PKHD1: variants seen among roughly 807,000 people sequenced by gnomAD.
The protein encoded by PKHD1 is PKHD1 ciliary IPT domain containing fibrocystin/polyductin.
A neutral mutation model predicts 412.0 loss-of-function variants in PKHD1; 291 were observed. The ratio of observed to expected loss-of-function variants is 0.71; its 90% CI spans 0.64 to 0.78. The LOEUF is 0.78. Among genes scored for constraint, PKHD1 ranks in the 30% least tolerant of loss-of-function variants. PKHD1 has a pLI of 0.00. For missense variants in PKHD1, 4,825 were observed against 4,950.7 expected (o/e 0.97, Z 0.76); for synonymous variants, 1,777 against 1,821.5 (o/e 0.98, Z 0.62).
intron 35 of PKHD1, among the ~76,000 whole-genome samples, chr6:51,979,622 C>T (rs1275323841): frequency 6.6e-6 from 1 of 152,070 alleles, no homozygotes; most frequent in Non-Finnish European, 1.5e-5. Context: ...CTCCCACACA[C>T]ACTTAGAATA....
In PKHD1 at chr6:52,045,069, G is replaced by C. The variant is rs779156712; in HGVS notation, c.2612C>G (p.Thr871Ser). Residue 871 changes from threonine to serine, a missense_variant, in exon 25 of 67, where the codon ACT becomes AGT. Transcript: ENST00000371117. ...NFIRVSDENL[T>S]GVNPAAATRV... ...CGTGGCTGCAGCAGGATTCACTCCA[G>C]TAAGGTTTTCATCAGAGACCTGAGA... 9 of 1,613,310 alleles carry C rather than the reference G, an allele frequency of 5.6e-6. No homozygotes were observed. The highest frequency in any genetic ancestry group is 7.6e-6 in the Non-Finnish European group (9 of 1,179,424).
chr6:51,664,826 T>C (rs1773457185), intron 60 of PKHD1, among the ~76,000 whole-genome samples: 1 of 152,184 alleles, frequency 6.6e-6, no homozygotes, highest in African/African-American at 2.4e-5. Flanking sequence ...CCTCTGTGTA[T>C]GAATACCTTG....
intron 40 of PKHD1, among the ~76,000 whole-genome samples, chr6:51,906,590 T>C (rs537960715): frequency 2.0e-4 from 30 of 151,496 alleles, no homozygotes; most frequent in Admixed American, 1.5e-3. Context: ...AGACAAAGTA[T>C]GTCTAAACAA....
At chr6:51,851,277 T>C (rs1772187923) in intron 49 of PKHD1, among the ~76,000 whole-genome samples, 1 of 152,230 alleles carries the variant, frequency 6.6e-6, no homozygotes, top group Non-Finnish European at 1.5e-5. Context: ...AGTTTTTTGA[T>C]GTGTTGCTGG....
chr6:51,941,618 C>A (rs1788584009), intron 36 of PKHD1, among the ~76,000 whole-genome samples: 1 of 151,582 alleles, frequency 6.6e-6, no homozygotes, highest in South Asian at 2.1e-4. Context: ...TGTCCTAAAA[C>A]CAGACAAGGC....
At chr6:51,913,578 T>C (rs1480897836) in intron 37 of PKHD1, among the ~76,000 whole-genome samples, 1 of 152,142 alleles carries the variant, frequency 6.6e-6, no homozygotes, top group Non-Finnish European at 1.5e-5. Context: ...ATTTCCTTCC[T>C]CTTTTGCAAT....
At chr6:51,711,942 T>A (rs1020480699) in intron 60 of PKHD1, among the ~76,000 whole-genome samples, 1 of 152,196 alleles carries the variant, frequency 6.6e-6, no homozygotes, top group Non-Finnish European at 1.5e-5. Context: ...TTGGAAGTAA[T>A]GCCTGGAACT....
At chr6:51,958,790 A>G (rs1296042980) in intron 36 of PKHD1, among the ~76,000 whole-genome samples, 1 of 150,666 alleles carries the variant, frequency 6.6e-6, no homozygotes, top group Non-Finnish European at 1.5e-5. Flanking sequence ...GACTGTCTAT[A>G]GTGGCATTCC....
chr6:51,666,647 A>C (rs1399676319), intron 60 of PKHD1, among the ~76,000 whole-genome samples: 2 of 148,594 alleles, frequency 1.3e-5, no homozygotes, highest in Admixed American at 6.7e-5. Context: ...GCACCCACTA[A>C]CTCGTCATCT....
At chr6:51,741,313 C>T (rs748299164) in intron 60 of PKHD1, among the ~76,000 whole-genome samples, 1 of 152,166 alleles carries the variant, frequency 6.6e-6, no homozygotes, top group Non-Finnish European at 1.5e-5. Context: ...CTTCATACAC[C>T]AAAGGCTGCT....
intron 52 of PKHD1, among the ~76,000 whole-genome samples, chr6:51,803,180 T>C (rs1329337927): frequency 6.6e-6 from 1 of 151,488 alleles, no homozygotes; most frequent in Admixed American, 6.6e-5. Flanking sequence ...ATAACTTCTG[T>C]AGAAGTTGTC....
At chr6:51,733,887 G>A (rs908519369) in intron 60 of PKHD1, among the ~76,000 whole-genome samples, 18 of 152,196 alleles carry the variant, frequency 1.2e-4, no homozygotes, top group African/African-American at 4.3e-4. Flanking sequence ...AGCCTTAAAA[G>A]GGTGTGAACT....
intron 52 of PKHD1, among the ~76,000 whole-genome samples, chr6:51,809,817 C>CA (rs1764413783): frequency 6.6e-6 from 1 of 151,556 alleles, no homozygotes; most frequent in Non-Finnish European, 1.5e-5. Flanking sequence ...TTGTTCCTTG[C>CA]ATGCTAGTAT....
intron 60 of PKHD1, chr6:51,721,842 C>T (rs1781962065): frequency 2.0e-6 from 3 of 1,525,130 alleles, no homozygotes; most frequent in East Asian, 2.4e-5. Flanking sequence ...CCTCCCAGTC[C>T]TCAATCAATT....
intron 52 of PKHD1, among the ~76,000 whole-genome samples, chr6:51,814,421 T>C (rs1232092015): frequency 6.6e-6 from 1 of 152,220 alleles, no homozygotes; most frequent in African/African-American, 2.4e-5. Context: ...ACACTCTTTC[T>C]TTTATAGTTT....
At chr6:51,862,128 T>A (rs1485926714) in intron 48 of PKHD1, among the ~76,000 whole-genome samples, 2 of 152,334 alleles carry the variant, frequency 1.3e-5, no homozygotes. Flanking sequence ...TGACTGACAC[T>A]GGCTGGCAGA....
At chr6:51,622,124 C>A (rs192359001) in intron 66 of PKHD1, among the ~76,000 whole-genome samples, 1 of 152,164 alleles carries the variant, frequency 6.6e-6, no homozygotes, top group Non-Finnish European at 1.5e-5. Flanking sequence ...GAAAGGAGGA[C>A]TCACTGGTTC....
chr6:51,723,961 G>A (rs1782242304), intron 60 of PKHD1, among the ~76,000 whole-genome samples: 1 of 152,160 alleles, frequency 6.6e-6, no homozygotes, highest in Admixed American at 6.6e-5. Flanking sequence ...CCCAACAAGT[G>A]TAGAAAGGTA....
chr6:52,013,972 C>T (rs767635347), intron 34 of PKHD1, among the ~76,000 whole-genome samples: 2 of 152,226 alleles, frequency 1.3e-5, no homozygotes, highest in Non-Finnish European at 2.9e-5. Context: ...CACAGCATTG[C>T]ACTAAGCACA....
Sources: allele counts gnomAD v4.1 joint callset (sites outside exome capture counted in the v4.1 genomes callset), GRCh38; gene constraint gnomAD v4.1.1; transcripts MANE v1.5; gene names NCBI Gene and HGNC (gene_info 2026-07-23, HGNC 2026-07-21).